The following RPTOR variants were observed in gnomAD, a reference collection of about 807,000 sequenced individuals.
RPTOR encodes regulatory associated protein of MTOR complex 1.
In RPTOR, 21 loss-of-function variants were observed where a neutral mutation model predicts 169.9. The ratio of observed to expected loss-of-function variants is 0.12; its 90% CI spans 0.09 to 0.18. RPTOR has a LOEUF of 0.18. RPTOR is among the 10% of genes least tolerant of loss of function. RPTOR has a pLI of 1.00. For synonymous variants in RPTOR, 732 were observed against 753.2 expected, an observed-to-expected ratio of 0.97 and a Z score of 0.46; for missense variants, 1,133 against 1,855.9, an observed-to-expected ratio of 0.61 and a Z score of 7.16.
chr17:80,699,275 G>C (rs1399032979), intron 3 of RPTOR, among the ~76,000 whole-genome samples: 1 of 152,266 alleles, frequency 6.6e-6, no homozygotes, highest in Non-Finnish European at 1.5e-5. Flanking sequence ...AGGCTGATGA[G>C]TAAATCAGCA....
At chr17:80,851,613 G>A (rs74004012) in intron 11 of RPTOR, among the ~76,000 whole-genome samples, 13,230 of 152,252 alleles carry the variant, frequency 0.087, 1,851 homozygotes, top group African/African-American at 0.3. Context: ...CTCCGACGCC[G>A]ACTCCCAGGC....
At chr17:80,902,426 C>T (rs1672923199) in intron 20 of RPTOR, among the ~76,000 whole-genome samples, 1 of 152,222 alleles carries the variant, frequency 6.6e-6, no homozygotes, top group Admixed American at 6.5e-5. Flanking sequence ...GGTGGTCTTG[C>T]CGGGAGGTTG....
chr17:80,923,534 A>G lies in RPTOR; in HGVS notation c.2669A>G (p.Asn890Ser). ...ASSTSSSSLTNDVAKQPVSRD... is the reference protein window; with the variant it reads ...ASSTSSSSLTSDVAKQPVSRD... ...AGCACCAGCAGCTCCAGCCTGACCA[A>G]CGATGTGGCCAAGCAGCCGGTCAGC... is the stretch of plus-strand genomic sequence containing the variant. Residue 890 changes from asparagine (N) to serine (S), a missense_variant, in exon 23 of 34, where the codon AAC (asparagine) becomes AGC (serine). Asn to Ser is a conservative substitution (Grantham distance 46). Transcript: ENST00000306801. 6.2e-7 allele frequency: 1 copy of G among 1,613,290 alleles called. No homozygotes were observed. Among genetic ancestry groups the G allele is most frequent in the Non-Finnish European group, 8.5e-7 (1 of 1,179,968 alleles).
chr17:80,892,413 G>A (rs1257707968), intron 18 of RPTOR, among the ~76,000 whole-genome samples: 2 of 152,202 alleles, frequency 1.3e-5, no homozygotes, highest in African/African-American at 2.4e-5. Context: ...GCGGCTTCCC[G>A]GGGAGCACGG....
At chr17:80,858,846 T>C (rs998620164) in intron 13 of RPTOR, among the ~76,000 whole-genome samples, 1 of 152,180 alleles carries the variant, frequency 6.6e-6, no homozygotes, top group African/African-American at 2.4e-5. Context: ...CGGTGCACGG[T>C]TCCCGGTAGA....
At chr17:80,576,497 A>G (rs565376028) in intron 1 of RPTOR, among the ~76,000 whole-genome samples, 15 of 152,266 alleles carry the variant, frequency 9.9e-5, no homozygotes, top group African/African-American at 3.4e-4. Context: ...TATTTTTAAC[A>G]TCCCAAGTTA....
chr17:80,907,454 C>T (rs1397952835), intron 20 of RPTOR, among the ~76,000 whole-genome samples: 1 of 152,260 alleles, frequency 6.6e-6, no homozygotes, highest in Admixed American at 6.5e-5. Context: ...CCACGCTCAG[C>T]GCCTCTGGTC....
rs961999117 is a variant in RPTOR at position 80,583,192 on chromosome 17, T to TG, written c.162+37401_162+37402insG. Among the ~76,000 whole-genome samples the TG allele has an allele frequency of 2.8e-4, 36 of 127,804 alleles. 1 individual carries two copies. The highest frequency in any genetic ancestry group is 2.5e-3 in the South Asian group (10 of 3,940). 83.8% of individuals were successfully genotyped at this position (127,804 alleles called of 152,430 possible). ...CACTGCCTCTTTCCTGTTTTTTTTT[T>TG]TTTTTTTTTTTTTTGAGACAGAGTC... On this transcript the variant is annotated intron_variant, in intron 1 of 33. Transcript: ENST00000306801.
chr17:80,962,689 T>A, intron 32 of RPTOR, 112 bp downstream of exon 32: 1 of 1,131,164 alleles, frequency 8.8e-7, no homozygotes, highest in Non-Finnish European at 1.3e-6. Flanking sequence ...CAGGGGAGGA[T>A]TTCACTGCTG....
chr17:80,871,931 C>T (rs896393725), intron 13 of RPTOR, among the ~76,000 whole-genome samples: 1 of 152,028 alleles, frequency 6.6e-6, no homozygotes, highest in Non-Finnish European at 1.5e-5. Flanking sequence ...GTTAGGGACC[C>T]TTCAGGAGTA....
intron 6 of RPTOR, among the ~76,000 whole-genome samples, chr17:80,789,782 C>A (rs973986977): frequency 7.2e-5 from 11 of 152,278 alleles, no homozygotes; most frequent in African/African-American, 2.6e-4. Flanking sequence ...AGGGTCACGG[C>A]CCTTCCATTT....
intron 3 of RPTOR, among the ~76,000 whole-genome samples, chr17:80,684,666 C>T (rs1405838579): frequency 1.3e-5 from 2 of 152,034 alleles, no homozygotes; most frequent in African/African-American, 4.8e-5. Flanking sequence ...AGGATGGTCT[C>T]GATCTCCTGA....
chr17:80,893,087 A>G (rs1221687477), intron 19 of RPTOR, among the ~76,000 whole-genome samples: 7 of 152,224 alleles, frequency 4.6e-5, no homozygotes, highest in African/African-American at 1.7e-4. Flanking sequence ...CCCGTTACCA[A>G]TGCGGCAGGG....
intron 1 of RPTOR, among the ~76,000 whole-genome samples, chr17:80,623,181 G>A (rs188754291): frequency 6.6e-6 from 1 of 152,082 alleles, no homozygotes; most frequent in Non-Finnish European, 1.5e-5. Context: ...TGGTCAATAC[G>A]CTAAGATCTA....
intron 2 of RPTOR, among the ~76,000 whole-genome samples, chr17:80,634,858 G>A (rs950610236): frequency 1.7e-4 from 8 of 46,758 alleles, no homozygotes; most frequent in African/African-American, 4.2e-4. Flanking sequence ...TGTGCATACC[G>A]TGTGTGTGTG....
chr17:80,907,705 TC>T (rs1404474923), intron 20 of RPTOR, among the ~76,000 whole-genome samples: 1 of 152,252 alleles, frequency 6.6e-6, no homozygotes, highest in African/African-American at 2.4e-5. Context: ...CCTGCAGGCT[TC>T]CGTCAGGTAT....
At chr17:80,837,061 G>T (rs967606258) in intron 9 of RPTOR, among the ~76,000 whole-genome samples, 2 of 152,168 alleles carry the variant, frequency 1.3e-5, no homozygotes, top group Non-Finnish European at 2.9e-5. Context: ...GGGGTCGGGA[G>T]CCCGGGGAGG....
At chr17:80,953,619 C>T (rs2069211038) in intron 28 of RPTOR, among the ~76,000 whole-genome samples, 1 of 152,250 alleles carries the variant, frequency 6.6e-6, no homozygotes, top group Non-Finnish European at 1.5e-5. Context: ...CACCAGGAAC[C>T]CTGGGCGGTG....
Position 80,922,840 on chromosome 17 carries a change from C to A in RPTOR, c.2624+13C>A. The A allele has an allele frequency of 6.5e-7, 1 of 1,545,740 alleles. No individual in the cohort carries two copies. The highest frequency in any genetic ancestry group is 8.7e-7 in the Non-Finnish European group (1 of 1,150,618). The stretch of plus-strand genomic sequence containing the variant: ...TCCACCAGGCGGGGTAAGTGCCGCC[C>A]GCTCAGCCTGCAGGTCCGTGGTGGT... On this transcript the variant is annotated intron_variant, in intron 22 of 33. Coordinates refer to ENST00000306801, the MANE Select transcript of RPTOR (RefSeq NM_020761.3).
Sources: gnomAD v4.1 joint callset for allele counts (sites outside exome capture counted in the v4.1 genomes callset) on GRCh38, gnomAD v4.1.1 for gene constraint, MANE v1.5 for transcripts, NCBI Gene and HGNC (gene_info 2026-07-23, HGNC 2026-07-21) for gene names.